The following C10orf90 variants were observed in gnomAD, a reference collection of about 807,000 sequenced individuals.
The protein encoded by C10orf90 is chromosome 10 open reading frame 90.
Under a neutral mutation model 62.5 loss-of-function variants are expected in C10orf90, and 56 were observed. The observed-to-expected ratio is 0.90, with a 90% CI of 0.72 to 1.12. C10orf90 has a LOEUF of 1.12. C10orf90 is among the 50% of genes most tolerant of loss of function. C10orf90 has a pLI of 0.00. For missense variants in C10orf90, 970 were observed against 880.4 expected (o/e 1.10, Z -1.29); for synonymous variants, 386 against 340.4 (o/e 1.13, Z -1.47).
chr10:126,468,680 A>C (rs1860416738), intron 4 of C10orf90, among the ~76,000 whole-genome samples: 1 of 152,162 alleles, frequency 6.6e-6, no homozygotes, highest in Admixed American at 6.5e-5. Flanking sequence ...GAAGCAGGAC[A>C]TTCTGCAGTG....
intron 2 of C10orf90, among the ~76,000 whole-genome samples, chr10:126,535,597 A>G (rs747271365): frequency 6.6e-5 from 10 of 152,174 alleles, no homozygotes; most frequent in Non-Finnish European, 1.3e-4. Context: ...TACATATGTA[A>G]CAAACCTGCA....
At chr10:126,645,404 CCAAA>C (rs148448748) in intron 2 of C10orf90, among the ~76,000 whole-genome samples, 79,476 of 146,132 alleles carry the variant, frequency 0.54, 21,711 homozygotes, top group South Asian at 0.57. Context: ...CCCCTCTCTA[CCAAA>C]CAAACAAACA....
intron 4 of C10orf90, among the ~76,000 whole-genome samples, chr10:126,500,705 T>G (rs1196017393): frequency 6.6e-6 from 1 of 152,176 alleles, no homozygotes; most frequent in African/African-American, 2.4e-5. Flanking sequence ...ACATTCAGCC[T>G]GAGATGAGAG....
At chr10:126,442,633 GTA>G (rs56368633) in intron 7 of C10orf90, among the ~76,000 whole-genome samples, 3,926 of 87,204 alleles carry the variant, frequency 0.045, 38 homozygotes, top group African/African-American at 0.053. Flanking sequence ...TTGTGTGTGT[GTA>G]TATATATATA....
chr10:126,589,921 C>T (rs1386028031), intron 2 of C10orf90, among the ~76,000 whole-genome samples: 1 of 151,998 alleles, frequency 6.6e-6, no homozygotes, highest in Non-Finnish European at 1.5e-5. Flanking sequence ...TTGATCATAA[C>T]CCATCATTAT....
intron 7 of C10orf90, among the ~76,000 whole-genome samples, chr10:126,458,284 G>A (rs2134098294): frequency 6.6e-6 from 1 of 152,200 alleles, no homozygotes; most frequent in Admixed American, 6.5e-5. Context: ...CATTTTCCTA[G>A]GAAGAAAGTT....
chr10:126,640,645 T>C (rs551754132), intron 2 of C10orf90, among the ~76,000 whole-genome samples: 1 of 152,290 alleles, frequency 6.6e-6, no homozygotes, highest in East Asian at 1.9e-4. Context: ...GTGGGGCAGG[T>C]TGAATCAAGC....
intron 2 of C10orf90, among the ~76,000 whole-genome samples, chr10:126,517,344 A>T (rs1863487908): frequency 6.6e-6 from 1 of 152,220 alleles, no homozygotes; most frequent in Non-Finnish European, 1.5e-5. Flanking sequence ...TGCATCAAGA[A>T]ATTGCCCTGG....
chr10:126,425,747 A>G lies in C10orf90; in HGVS notation c.*117T>C. On this transcript the variant is annotated 3_prime_UTR_variant, in exon 10 of 10. Transcript: ENST00000488181. The stretch of plus-strand genomic sequence containing the variant: ...TGATGTTTTCCTTTATGGAAAAAAA[A>G]AATCGAAAGTAAAATAAGTGTTTTC... 1 of 1,115,234 alleles carries G rather than the reference A, an allele frequency of 9.0e-7. No individual in the cohort carries two copies. The highest frequency in any genetic ancestry group is 1.3e-6 in the Non-Finnish European group (1 of 796,872). The allele number at this position is 1,115,234 out of a possible 1,614,324, so 69.1% of individuals were successfully genotyped here. A position where few individuals can be genotyped will look rare whatever the true frequency, so the allele number is the denominator to read the frequency against.
chr10:126,613,058 A>G (rs1319344233), intron 2 of C10orf90, among the ~76,000 whole-genome samples: 2 of 152,178 alleles, frequency 1.3e-5, no homozygotes, highest in East Asian at 3.9e-4. Context: ...TTAATATTCA[A>G]GCAGTATATT....
chr10:126,608,977 C>T (rs1336129154), intron 2 of C10orf90, among the ~76,000 whole-genome samples: 1 of 152,142 alleles, frequency 6.6e-6, no homozygotes, highest in African/African-American at 2.4e-5. Context: ...GGAGTTCTGA[C>T]CAAAAACTTA....
At position 126,504,868 on chromosome 10, in the gene C10orf90, GC is replaced by G. The variant is rs767105847; in HGVS notation, c.622del (p.Ala208HisfsTer97). On this transcript the variant is annotated frameshift_variant, in exon 4 of 10. Coordinates refer to ENST00000488181, the MANE Select transcript of C10orf90 (RefSeq NM_001350921.2). LOFTEE classifies it high-confidence loss of function. This position sits in a 1 kb window ranked among gnomAD's most constrained non-coding sequence, Gnocchi z 4.1. ...ALLPGRLGIPAPSDERGPEAE... is the reference protein window; with the variant it reads ...ALLPGRLGIPXPSDERGPEAE... ...CTCAGGTCCTCGCTCATCTGACGGT[GC>G]CGGGATTCCTAATCTGCCCGGAAGT... The G allele has an allele frequency of 1.2e-6, 2 of 1,613,624 alleles. No individual in the cohort carries two copies. Among genetic ancestry groups the G allele is most frequent in the South Asian group, 2.2e-5 (2 of 90,980 alleles).
At chr10:126,545,529 C>T (rs1475737311) in intron 2 of C10orf90, among the ~76,000 whole-genome samples, 1 of 152,102 alleles carries the variant, frequency 6.6e-6, no homozygotes, top group African/African-American at 2.4e-5. Context: ...TTCAGGCTTA[C>T]TCTAGCCGTT....
intron 2 of C10orf90, among the ~76,000 whole-genome samples, chr10:126,537,395 G>C (rs1864265895): frequency 6.6e-6 from 1 of 152,270 alleles, no homozygotes; most frequent in South Asian, 2.1e-4. Flanking sequence ...CTATTGCCTA[G>C]CAACCTAGCC....
At chr10:126,461,719 G>T in intron 5 of C10orf90, 134 bp from the exon 6 acceptor site, 1 of 914,258 alleles carries the variant, frequency 1.1e-6, no homozygotes, top group Non-Finnish European at 1.6e-6. Context: ...TCGTTAAGCT[G>T]ACAAGATCAT....
At chr10:126,477,076 A>ATTTTTTTTTTTTTTTTTTTTTTTTT (rs551973906) in intron 4 of C10orf90, among the ~76,000 whole-genome samples, 2 of 56,484 alleles carry the variant, frequency 3.5e-5, no homozygotes, top group Non-Finnish European at 6.5e-5. Flanking sequence ...CGCCTGGCTA[A>ATTTTTTTTTTTTTTTTTTTTTTTTT]TTTTTTTTTT....
chr10:126,579,283 T>G (rs1057250880), intron 2 of C10orf90, among the ~76,000 whole-genome samples: 1 of 151,526 alleles, frequency 6.6e-6, no homozygotes, highest in Non-Finnish European at 1.5e-5. Context: ...TTCTTTTTTT[T>G]TTTTTTTGAG....
intron 2 of C10orf90, among the ~76,000 whole-genome samples, chr10:126,619,360 A>ACCG (rs1245875588): frequency 6.6e-6 from 1 of 152,178 alleles, no homozygotes; most frequent in Admixed American, 6.5e-5. Flanking sequence ...TTCAGCACTG[A>ACCG]CCGCTCAACA....
At chr10:126,664,199 T>C (rs1288500364) in intron 1 of C10orf90, among the ~76,000 whole-genome samples, 19 of 152,084 alleles carry the variant, frequency 1.2e-4, no homozygotes, top group Non-Finnish European at 2.9e-5. Context: ...AGGTCATAAG[T>C]CTCTGTGACC....
Sources: allele counts gnomAD v4.1 joint callset (sites outside exome capture counted in the v4.1 genomes callset), GRCh38; gene constraint gnomAD v4.1.1; non-coding constraint Gnocchi (gnomAD v3.1); transcripts MANE v1.5; gene names NCBI Gene and HGNC (gene_info 2026-07-23, HGNC 2026-07-21).